Variants in PLEKHG3 observed in about 807,000 individuals in gnomAD.
The protein encoded by PLEKHG3 is pleckstrin homology and RhoGEF domain containing G3.
A neutral mutation model predicts 94.9 loss-of-function variants in PLEKHG3; 62 were observed. The observed-to-expected ratio is 0.65, with a 90% CI of 0.53 to 0.81. The LOEUF is 0.81. Among genes scored for constraint, PLEKHG3 ranks in the 30% least tolerant of loss-of-function variants. The pLI, the probability that PLEKHG3 is intolerant of heterozygous loss-of-function variation, is 0.00. For missense variants in PLEKHG3, 1,461 were observed against 1,619.3 expected, an observed-to-expected ratio of 0.90 and a Z score of 1.68; for synonymous variants, 614 against 654.0, an observed-to-expected ratio of 0.94 and a Z score of 0.93.
chr14:64,738,723 C>A lies in PLEKHG3; in HGVS notation c.1405-19C>A, dbSNP rs918435765. ...CTTCCAGTTGTCTTGGAGTTGATGA[C>A]TGACCTCTACCTCTGCAGGGAAAGG... On this transcript the variant is annotated intron_variant, in intron 14 of 16. Coordinates refer to ENST00000247226, the MANE Select transcript of PLEKHG3 (RefSeq NM_001308147.2). This position sits in a 1 kb window ranked among gnomAD's most constrained non-coding sequence, Gnocchi z 4.8. The A allele has an allele frequency of 3.9e-6, 6 of 1,523,992 alleles. No homozygotes were observed. Among genetic ancestry groups the A allele is most frequent in the Non-Finnish European group, 2.7e-6 (3 of 1,118,264 alleles). The allele number at this position is 1,523,992 out of a possible 1,614,324, so 94.4% of individuals were successfully genotyped here.
rs1463806812 is a variant in PLEKHG3, at chr14:64,743,157, C to T, written c.3114C>T (p.Pro1038=). The T allele has an allele frequency of 6.2e-7, 1 of 1,611,224 alleles. No homozygotes were observed. Among genetic ancestry groups the T allele is most frequent in the Non-Finnish European group, 8.5e-7 (1 of 1,179,872 alleles). The change falls in exon 17 of 17, where the codon CCC becomes CCT. Residue 1038 remains proline, a synonymous_variant. Transcript: ENST00000247226. This position sits in a 1 kb window ranked among gnomAD's most constrained non-coding sequence, Gnocchi z 7.2. The part of the protein sequence containing the change: ...SPGGRPSARS[P]LSPTETFSWP... ...GGGGCCGGCCCTCCGCCCGGAGCCCCCTCAGCCCCACAGAGACCTTCAGCT... is the reference window on the plus strand; with the variant it reads ...GGGGCCGGCCCTCCGCCCGGAGCCCTCTCAGCCCCACAGAGACCTTCAGCT...
rs1202265248 is a variant in PLEKHG3 at position 64,728,767 on chromosome 14, C to T, written c.352-229C>T. On this transcript the variant is annotated intron_variant, in intron 2 of 16. Transcript: ENST00000247226. The surrounding 1 kb of genome is among the most constrained non-coding windows in gnomAD (Gnocchi z 5.9). Reference sequence around the variant, plus strand: ...ATTTGGGGCCCACCCTAAATCCTATCTGAAGTCATCTTGAGATCCTTAACT... The same window carrying T: ...ATTTGGGGCCCACCCTAAATCCTATTTGAAGTCATCTTGAGATCCTTAACT... Among the ~76,000 whole-genome samples the T allele has an allele frequency of 2.0e-5, 3 of 152,200 alleles. No homozygotes were observed. The highest frequency in any genetic ancestry group is 2.9e-5 in the Non-Finnish European group (2 of 68,040).
intron 12 of PLEKHG3, among the ~76,000 whole-genome samples, chr14:64,733,156 T>G (rs1258711538): frequency 7.0e-6 from 1 of 142,180 alleles, no homozygotes; most frequent in Non-Finnish European, 1.5e-5. Flanking sequence ...TTCTTTTCTT[T>G]TCTTTTTCTT....
rs959573642 is a variant in PLEKHG3, at chr14:64,749,583, A to G, written c.*5880A>G. ...GACTGCCCCTTCTGAGGGGGCCTCC[A>G]GGGCAAGCGGCCTGGGGTCCTCCAC... On this transcript the variant is annotated 3_prime_UTR_variant, in exon 17 of 17. Coordinates refer to ENST00000247226, the MANE Select transcript of PLEKHG3 (RefSeq NM_001308147.2). The surrounding 1 kb of genome is among the most constrained non-coding windows in gnomAD (Gnocchi z 4.7). The G allele has an allele frequency of 3.1e-6, 5 of 1,608,704 alleles. No homozygotes were observed. In the Admixed American group the frequency reaches 8.3e-5, roughly 27 times the overall value.
chr14:64,737,021 T>G, intron 13 of PLEKHG3, 130 bp downstream of exon 13: 1 of 779,140 alleles, frequency 1.3e-6, no homozygotes, highest in Admixed American at 2.0e-5. Flanking sequence ...GAACTCTGCC[T>G]CCATTCCCCC....
intron 13 of PLEKHG3, 98 bp downstream of exon 13, chr14:64,736,989 G>T: frequency 2.2e-6 from 2 of 914,776 alleles, no homozygotes; most frequent in Admixed American, 1.8e-5. Context: ...GAGGGTGGAG[G>T]ATTGTCAGAA....
Position 64,743,755 on chromosome 14 carries a change from G to C in PLEKHG3, c.*52G>C. The C allele has an allele frequency of 1.3e-6, 2 of 1,496,098 alleles. No homozygotes were observed. Among genetic ancestry groups the C allele is most frequent in the South Asian group, 1.3e-5 (1 of 74,700 alleles). The allele number at this position is 1,496,098 out of a possible 1,614,324, so 92.7% of individuals were successfully genotyped here. A position where few individuals can be genotyped will look rare whatever the true frequency, so the allele number is the denominator to read the frequency against. On this transcript the variant is annotated 3_prime_UTR_variant, in exon 17 of 17. Coordinates refer to ENST00000247226, the MANE Select transcript of PLEKHG3 (RefSeq NM_001308147.2). This position sits in a 1 kb window ranked among gnomAD's most constrained non-coding sequence, Gnocchi z 7.2. ...CATGTTGGAGGTTGGGGAAGAACCT[G>C]GGCATCCTTCCCCTCAAGCCTGGGC...
intron 14 of PLEKHG3, chr14:64,737,744 C>T: frequency 4.6e-6 from 2 of 431,680 alleles, no homozygotes; most frequent in South Asian, 5.0e-5. Flanking sequence ...CAGTGGCAAC[C>T]TGAGTTGGGC....
chr14:64,711,894 AC>A (rs1406311196), intron 1 of PLEKHG3, among the ~76,000 whole-genome samples: 1 of 152,188 alleles, frequency 6.6e-6, no homozygotes, highest in Non-Finnish European at 1.5e-5. Flanking sequence ...TTTTGGTGTT[AC>A]ACCTAAGAAA....
At position 64,723,223 on chromosome 14, in the gene PLEKHG3, C is replaced by T. The variant is rs183230919; in HGVS notation, c.-39-4370C>T. 3.5e-4 allele frequency among the ~76,000 whole-genome samples: 53 copies of T among 152,332 alleles called. No individual in the cohort carries two copies. The highest frequency in any genetic ancestry group is 5.7e-4 in the Non-Finnish European group (39 of 68,026). ...AAAAGAAACCTCCCTCTCTCCCCCT[C>T]TTCTGCCCCTGGATCCTTAAAGGTG... is the stretch of plus-strand genomic sequence containing the variant. On this transcript the variant is annotated intron_variant, in intron 1 of 16. Transcript: ENST00000247226. The surrounding 1 kb of genome is among the most constrained non-coding windows in gnomAD (Gnocchi z 4.5).
rs2081216148 is a variant in PLEKHG3 at position 64,718,951 on chromosome 14, C to T, written c.-39-8642C>T. On this transcript the variant is annotated intron_variant, in intron 1 of 16. Coordinates refer to ENST00000247226, the MANE Select transcript of PLEKHG3 (RefSeq NM_001308147.2). This position sits in a 1 kb window ranked among gnomAD's most constrained non-coding sequence, Gnocchi z 5.0. Reference sequence around the variant, plus strand: ...GGTGCCCCCTGGCCCTGTTTCTCTCCAGCTCCCAGTAGTACATGCCGTCTC... The same window carrying T: ...GGTGCCCCCTGGCCCTGTTTCTCTCTAGCTCCCAGTAGTACATGCCGTCTC... Among the ~76,000 whole-genome samples, 1 of 152,176 alleles carries T rather than the reference C, an allele frequency of 6.6e-6. No homozygotes were observed.
At position 64,741,856 on chromosome 14, in the gene PLEKHG3, G is replaced by A. The variant is rs1331339628; in HGVS notation, c.2339G>A (p.Arg780Gln). 7.4e-6 allele frequency: 12 copies of A among 1,613,244 alleles called. No homozygotes were observed. Among genetic ancestry groups the A allele is most frequent in the African/African-American group, 2.7e-5 (2 of 74,908 alleles). ...GGGAGCAAGAGACAGGTGGGCTCCC[G>A]GCCGACTTCGTGGGCCCTGTTTGAG... ...PVGSKRQVGS[R>Q]PTSWALFELP... The change falls in exon 16 of 17, where the codon CGG becomes CAG. Residue 780 changes from arginine (R) to glutamine (Q), a missense_variant. Arg to Gln is a conservative substitution (Grantham distance 43). This residue lies in a region of PLEKHG3 where 1,201 missense variants were observed against 1,295.5 expected (regional missense o/e 0.93). Transcript: ENST00000247226.
chr14:64,749,390 G>A lies in PLEKHG3; in HGVS notation c.*5687G>A, dbSNP rs780072609. 1.2e-6 allele frequency: 2 copies of A among 1,609,708 alleles called. No individual in the cohort carries two copies. The highest frequency in any genetic ancestry group is 1.3e-5 in the African/African-American group (1 of 74,932). On this transcript the variant is annotated 3_prime_UTR_variant, in exon 17 of 17. Transcript: ENST00000247226. The surrounding 1 kb of genome is among the most constrained non-coding windows in gnomAD (Gnocchi z 4.7). ...CGTCGGGGCCGGAGAGGGAAGGCAG[G>A]GGCAGGCTCTGCGCCTTGACGCGGA...
intron 1 of PLEKHG3, among the ~76,000 whole-genome samples, chr14:64,713,950 G>A (rs189399671): frequency 1.3e-5 from 2 of 152,082 alleles, no homozygotes; most frequent in African/African-American, 4.8e-5. Context: ...TTATTTTCAT[G>A]TATTGCTTTT....
chr14:64,738,594 C>G lies in PLEKHG3; in HGVS notation c.1405-148C>G. ...TTCCGCAGCCCCAGGCCTGGCAGTT[C>G]AGGTTGGCTCTGGAATGGCTCAGGT... On this transcript the variant is annotated intron_variant, in intron 14 of 16. Transcript: ENST00000247226. This position sits in a 1 kb window ranked among gnomAD's most constrained non-coding sequence, Gnocchi z 4.8. The G allele has an allele frequency of 3.1e-6, 2 of 645,192 alleles. No homozygotes were observed. Among genetic ancestry groups the G allele is most frequent in the South Asian group, 3.8e-5 (2 of 52,502 alleles). The allele number at this position is 645,192 out of a possible 1,614,324, so 40.0% of individuals were successfully genotyped here. A position where few individuals can be genotyped will look rare whatever the true frequency, so the allele number is the denominator to read the frequency against.
chr14:64,735,468 G>C (rs1044548883), intron 12 of PLEKHG3, among the ~76,000 whole-genome samples: 23 of 152,280 alleles, frequency 1.5e-4, no homozygotes, highest in African/African-American at 4.3e-4. Flanking sequence ...AAGTTAGCTA[G>C]GCATGGTGGT....
Position 64,731,455 on chromosome 14 carries a change from G to A in PLEKHG3, c.944G>A (p.Arg315His), listed in dbSNP as rs775178166. 6 of 1,613,882 alleles carry A rather than the reference G, an allele frequency of 3.7e-6. No homozygotes were observed. The highest frequency in any genetic ancestry group is 3.3e-5 in the Admixed American group (2 of 60,026). The change falls in exon 8 of 17, where the codon CGC becomes CAC. Residue 315 changes from arginine (R) to histidine (H), a missense_variant. Physicochemically the swap from Arg to His is conservative, Grantham distance 29. This residue lies in a region of PLEKHG3 where 1,201 missense variants were observed against 1,295.5 expected (regional missense o/e 0.93). Coordinates refer to ENST00000247226, the MANE Select transcript of PLEKHG3 (RefSeq NM_001308147.2). The surrounding 1 kb of genome is among the most constrained non-coding windows in gnomAD (Gnocchi z 6.1). Reference protein sequence around the residue: ...LEGTFRVHRVRNERTFFLFDK... With the variant: ...LEGTFRVHRVHNERTFFLFDK... ...GGCACATTCCGCGTGCATCGCGTGC[G>A]CAATGAAAGGACCTTTTTCCTCTTT... is the stretch of plus-strand genomic sequence containing the variant.
chr14:64,736,673 A>G (rs2081576067), intron 12 of PLEKHG3, among the ~76,000 whole-genome samples, 180 bp from the exon 13 acceptor site: 1 of 152,106 alleles, frequency 6.6e-6, no homozygotes, highest in African/African-American at 2.4e-5. Context: ...CCCTGTCCGT[A>G]GGTGCAAGGG....
chr14:64,743,162 G>C lies in PLEKHG3; in HGVS notation c.3119G>C (p.Ser1040Thr), dbSNP rs1355284458. The stretch of plus-strand genomic sequence containing the variant: ...CGGCCCTCCGCCCGGAGCCCCCTCA[G>C]CCCCACAGAGACCTTCAGCTGGCCC... ...GGRPSARSPL[S>T]PTETFSWPDV... The change falls in exon 17 of 17, where the codon AGC becomes ACC. Residue 1040 changes from serine to threonine, a missense_variant. Physicochemically the swap from Ser to Thr is moderately conservative, Grantham distance 58. Coordinates refer to ENST00000247226, the MANE Select transcript of PLEKHG3 (RefSeq NM_001308147.2). This position sits in a 1 kb window ranked among gnomAD's most constrained non-coding sequence, Gnocchi z 7.2. 6.2e-7 allele frequency: 1 copy of C among 1,611,086 alleles called. No homozygotes were observed. Among genetic ancestry groups the C allele is most frequent in the Admixed American group, 1.7e-5 (1 of 60,010 alleles).
Sources: gnomAD v4.1 joint callset for allele counts (sites outside exome capture counted in the v4.1 genomes callset) on GRCh38, gnomAD v4.1.1 for gene constraint, gnomAD v4.1.1 regional missense constraint, Gnocchi (gnomAD v3.1) non-coding constraint, MANE v1.5 for transcripts, NCBI Gene and HGNC (gene_info 2026-07-23, HGNC 2026-07-21) for gene names.